The following SIPA1L3 variants were observed in gnomAD, a reference collection of about 807,000 sequenced individuals.
SIPA1L3 encodes signal induced proliferation associated 1 like 3.
A neutral mutation model predicts 150.1 loss-of-function variants in SIPA1L3; 59 were observed. The ratio of observed to expected loss-of-function variants is 0.39; its 90% confidence interval spans 0.32 to 0.49. The LOEUF is 0.49. Among genes scored for constraint, SIPA1L3 ranks in the 20% least tolerant of loss-of-function variants. The probability of loss-of-function intolerance (pLI) is 0.86; values close to 1 mark genes in which losing one functional copy is unlikely to be tolerated. For synonymous variants in SIPA1L3, 1,070 were observed against 1,077.6 expected (o/e 0.99, Z 0.14); for missense variants, 2,211 against 2,489.5 (o/e 0.89, Z 2.38).
At chr19:38,051,654 T>C (rs1171338398) in intron 2 of SIPA1L3, among the ~76,000 whole-genome samples, 1 of 152,208 alleles carries the variant, frequency 6.6e-6, no homozygotes, top group African/African-American at 2.4e-5. Flanking sequence ...TGGAGTGCAG[T>C]GGCTCGATCT....
In SIPA1L3 at chr19:38,149,607, C is replaced by T. The variant is rs540719742; in HGVS notation, c.3534-3233C>T. Reference sequence around the variant, plus strand: ...ATTGACGGGAAACCAGGCCCCCCCTCCTTGATGTATTGCTGTCCTTGGCCT... The same window carrying T: ...ATTGACGGGAAACCAGGCCCCCCCTTCTTGATGTATTGCTGTCCTTGGCCT... On this transcript the variant is annotated intron_variant, in intron 12 of 21. Transcript: ENST00000222345. Among the ~76,000 whole-genome samples the T allele has an allele frequency of 1.8e-4, 28 of 152,322 alleles. No homozygotes were observed. The South Asian group carries it at 5.0e-3, about 27-fold the overall frequency.
chr19:38,069,848 G>A (rs1038748864), intron 2 of SIPA1L3, among the ~76,000 whole-genome samples: 64 of 111,162 alleles, frequency 5.8e-4, no homozygotes, highest in African/African-American at 1.8e-3. Context: ...TTTTTTTTTT[G>A]TATTTTTAGT....
intron 2 of SIPA1L3, among the ~76,000 whole-genome samples, chr19:38,057,211 C>T (rs1969336666): frequency 6.6e-6 from 1 of 151,812 alleles, no homozygotes; most frequent in Non-Finnish European, 1.5e-5. Flanking sequence ...GCGGACGTTG[C>T]AGTGAGCTGA....
intron 8 of SIPA1L3, among the ~76,000 whole-genome samples, chr19:38,110,701 C>A (rs1970718479): frequency 6.6e-6 from 1 of 152,188 alleles, no homozygotes; most frequent in African/African-American, 2.4e-5. Context: ...CACCTTTAGG[C>A]CTGGCTGGAT....
chr19:38,028,771 C>G (rs1431316337), intron 1 of SIPA1L3, among the ~76,000 whole-genome samples: 2 of 150,904 alleles, frequency 1.3e-5, no homozygotes, highest in Admixed American at 1.3e-4. Context: ...TGGCTCATTG[C>G]AACCTCCACC....
intron 2 of SIPA1L3, among the ~76,000 whole-genome samples, chr19:38,033,769 G>T (rs1968712051): frequency 6.6e-6 from 1 of 152,144 alleles, no homozygotes; most frequent in East Asian, 1.9e-4. Flanking sequence ...CACAGCGACT[G>T]GGCTTGGTAA....
Position 38,192,146 on chromosome 19 carries a change from C to A in SIPA1L3, c.4432C>A (p.Gln1478Lys). ...RPLPFSDPKK[Q>K]VDTNTKNVFG... The stretch of plus-strand genomic sequence containing the variant: ...CTGACCCTGACGCTGTCATTCCAGG[C>A]AGGTGGACACGAACACCAAAAATGT... Residue 1478 changes from glutamine (Q) to lysine (K), a missense_variant and splice_region_variant, in exon 17 of 22, where the codon CAG (glutamine) becomes AAG (lysine). Gln to Lys is a moderately conservative substitution (Grantham distance 53). Coordinates refer to ENST00000222345, the MANE Select transcript of SIPA1L3 (RefSeq NM_015073.3). 6.3e-7 allele frequency: 1 copy of A among 1,599,770 alleles called. No individual in the cohort carries two copies. Among genetic ancestry groups the A allele is most frequent in the South Asian group, 1.1e-5 (1 of 89,416 alleles).
intron 4 of SIPA1L3, among the ~76,000 whole-genome samples, chr19:38,094,736 C>T (rs1190671752): frequency 6.6e-6 from 1 of 151,896 alleles, no homozygotes; most frequent in Admixed American, 6.6e-5. Flanking sequence ...AATTTGAGAC[C>T]AACCTGGACA....
intron 2 of SIPA1L3, among the ~76,000 whole-genome samples, chr19:38,043,135 T>A (rs1968963950): frequency 6.6e-6 from 1 of 151,806 alleles, no homozygotes; most frequent in Non-Finnish European, 1.5e-5. Flanking sequence ...AGGTCAGGAG[T>A]TCGAGACCAG....
In SIPA1L3 at chr19:38,046,803, G is replaced by C. The variant is rs1969070479; in HGVS notation, c.-311+17647G>C. ...AGTGGAGGGCTTTGCTGTCCCTTCTGCTGTACCCACAGCTGCCCGCTCAGA... is the reference window on the plus strand; with the variant it reads ...AGTGGAGGGCTTTGCTGTCCCTTCTCCTGTACCCACAGCTGCCCGCTCAGA... On this transcript the variant is annotated intron_variant, in intron 2 of 21. Transcript: ENST00000222345. The surrounding 1 kb of genome is among the most constrained non-coding windows in gnomAD (Gnocchi z 5.6). 6.6e-6 allele frequency among the ~76,000 whole-genome samples: 1 copy of C among 152,192 alleles called. No individual in the cohort carries two copies. Among genetic ancestry groups the C allele is most frequent in the African/African-American group, 2.4e-5 (1 of 41,434 alleles).
At chr19:38,121,240 C>G (rs1196507466) in intron 9 of SIPA1L3, among the ~76,000 whole-genome samples, 1 of 152,108 alleles carries the variant, frequency 6.6e-6, no homozygotes, top group Non-Finnish European at 1.5e-5. Context: ...AGATCAAGAC[C>G]ATCCTGGCTA....
intron 2 of SIPA1L3, among the ~76,000 whole-genome samples, chr19:38,039,480 G>A (rs1439963293): frequency 2.6e-5 from 4 of 151,846 alleles, no homozygotes. Context: ...AATCACTTGA[G>A]GCCAGAAGTT....
intron 1 of SIPA1L3, among the ~76,000 whole-genome samples, chr19:37,926,159 G>A (rs567715743): frequency 6.6e-6 from 1 of 152,306 alleles, no homozygotes; most frequent in South Asian, 2.1e-4. Flanking sequence ...TCAGGAACAT[G>A]AGGAATTTGG....
chr19:38,095,449 A>G (rs2145848819), intron 4 of SIPA1L3, among the ~76,000 whole-genome samples: 1 of 152,244 alleles, frequency 6.6e-6, no homozygotes, highest in East Asian at 1.9e-4. Context: ...TCAAGCGGGG[A>G]GTACGTCTGA....
intron 6 of SIPA1L3, among the ~76,000 whole-genome samples, chr19:38,106,110 T>A (rs1454000002): frequency 1.0e-3 from 2 of 1,954 alleles, no homozygotes; most frequent in Non-Finnish European, 2.3e-3. Context: ...TGTATTTAAT[T>A]TTTTTTTTTT....
At chr19:38,128,740 T>G (rs1971236846) in intron 9 of SIPA1L3, among the ~76,000 whole-genome samples, 1 of 151,976 alleles carries the variant, frequency 6.6e-6, no homozygotes, top group Admixed American at 6.6e-5. Flanking sequence ...CTACTAAAAG[T>G]ACCAAAATTA....
chr19:37,988,677 AAAAT>A (rs1371346622), intron 1 of SIPA1L3, among the ~76,000 whole-genome samples: 7 of 152,326 alleles, frequency 4.6e-5, no homozygotes, highest in South Asian at 2.1e-4. Flanking sequence ...CTCCATCTCA[AAAAT>A]AAATAAATAA....
intron 14 of SIPA1L3, 80 bp downstream of exon 14, chr19:38,162,451 A>G: frequency 9.7e-7 from 1 of 1,029,006 alleles, no homozygotes; most frequent in East Asian, 2.5e-5. Context: ...ACTTGAGCAC[A>G]TCCTCAACCT....
intron 8 of SIPA1L3, among the ~76,000 whole-genome samples, chr19:38,115,368 G>T (rs1447020774): frequency 1.3e-5 from 2 of 152,166 alleles, no homozygotes; most frequent in African/African-American, 4.8e-5. Context: ...TCAGCTGGAA[G>T]CCCCAGGGCA....
Sources: allele counts gnomAD v4.1 joint callset (sites outside exome capture counted in the v4.1 genomes callset), GRCh38; gene constraint gnomAD v4.1.1; non-coding constraint Gnocchi (gnomAD v3.1); transcripts MANE v1.5; gene names NCBI Gene and HGNC (gene_info 2026-07-23, HGNC 2026-07-21).